Variants in TET1 observed in about 807,000 individuals in gnomAD.
The protein encoded by TET1 is methylcytosine dioxygenase TET1.
In TET1, 13 loss-of-function variants were observed where a neutral mutation model predicts 148.7. The observed-to-expected ratio is 0.09, with a 90% confidence interval of 0.06 to 0.14. The LOEUF (loss-of-function observed/expected upper bound fraction) is 0.14, where lower values mean the gene tolerates loss of function less well. Ranked by LOEUF, TET1 falls within the 10% of genes least tolerant of loss-of-function variation. TET1 has a pLI of 1.00. For synonymous variants in TET1, 907 were observed against 937.2 expected (o/e 0.97, Z 0.59); for missense variants, 2,182 against 2,553.8 (o/e 0.85, Z 3.14).
At chr10:68,647,330 G>C (rs983044259) in intron 4 of TET1, among the ~76,000 whole-genome samples, 2 of 152,178 alleles carry the variant, frequency 1.3e-5, no homozygotes, top group African/African-American at 4.8e-5. Context: ...TAGGCCAGGC[G>C]CAATGGCTCT....
intron 8 of TET1, chr10:68,674,630 A>T: frequency 4.2e-6 from 2 of 472,994 alleles, no homozygotes; most frequent in South Asian, 3.5e-5. Flanking sequence ...CGTGGATCTT[A>T]CCTGTGACAA....
rs1564505196 is a variant in TET1, at chr10:68,674,581, A to G, written c.4824+1536A>G. ...TTTAGAAAATTCAGCTGATTACTGA[A>G]GATGTTCAGGGGAATGATTGCCTGA... On this transcript the variant is annotated intron_variant, in intron 8 of 11. Transcript: ENST00000373644. 7.4e-6 allele frequency: 4 copies of G among 539,448 alleles called. No individual in the cohort carries two copies. In the East Asian group the frequency reaches 1.3e-4, roughly 17 times the overall value. The allele number at this position is 539,448 out of a possible 1,614,324, so 33.4% of individuals were successfully genotyped here. A position where few individuals can be genotyped will look rare whatever the true frequency, so the allele number is the denominator to read the frequency against.
chr10:68,597,019 A>C (rs2053995712), intron 2 of TET1, among the ~76,000 whole-genome samples: 3 of 114,466 alleles, frequency 2.6e-5, no homozygotes, highest in African/African-American at 1.0e-4. Flanking sequence ...TCATGATCAC[A>C]CAGCTAATGG....
At chr10:68,675,564 A>ATT (rs11313882) in intron 8 of TET1, among the ~76,000 whole-genome samples, 2,840 of 131,466 alleles carry the variant, frequency 0.022, 46 homozygotes, top group Non-Finnish European at 0.027. Context: ...TATCCACGTC[A>ATT]TTTTTTTTTT....
At chr10:68,684,596 T>TC (rs2055484419) in intron 10 of TET1, among the ~76,000 whole-genome samples, 1 of 152,084 alleles carries the variant, frequency 6.6e-6, no homozygotes, top group Admixed American at 6.6e-5. Flanking sequence ...AGTTTCAGTT[T>TC]CTCTTCTCTG....
intron 2 of TET1, among the ~76,000 whole-genome samples, chr10:68,575,352 C>G (rs2053715883): frequency 6.6e-6 from 1 of 151,108 alleles, no homozygotes; most frequent in Non-Finnish European, 1.5e-5. Flanking sequence ...CCATTGCATT[C>G]CAGCCTAGGC....
In TET1 at chr10:68,683,524, C is replaced by T. The variant is rs543880621; in HGVS notation, c.5052+551C>T. Among the ~76,000 whole-genome samples, 3 of 152,062 alleles carry T rather than the reference C, an allele frequency of 2.0e-5. No individual in the cohort carries two copies. The East Asian group carries it at 5.8e-4, about 30-fold the overall frequency. Reference sequence around the variant, plus strand: ...TGATCTCATGACCTCGTGATCCACCCACCTTGGCCTCGAAAAGTGCTGGGA... The same window carrying T: ...TGATCTCATGACCTCGTGATCCACCTACCTTGGCCTCGAAAAGTGCTGGGA... On this transcript the variant is annotated intron_variant, in intron 10 of 11. Transcript: ENST00000373644.
chr10:68,560,916 C>A (rs1028173438), intron 1 of TET1, among the ~76,000 whole-genome samples, 174 bp downstream of exon 1: 1 of 152,174 alleles, frequency 6.6e-6, no homozygotes, highest in African/African-American at 2.4e-5. Context: ...CGACCCCCCA[C>A]CCCGGGACGC....
At chr10:68,676,797 T>A (rs2055368504) in intron 8 of TET1, among the ~76,000 whole-genome samples, 1 of 152,218 alleles carries the variant, frequency 6.6e-6, no homozygotes, top group Non-Finnish European at 1.5e-5. Flanking sequence ...ACACAATTCT[T>A]ACTGAAACAT....
rs1564948786 is a variant in TET1 at position 68,573,455 on chromosome 10, C to G, written c.1117C>G (p.Pro373Ala). The part of the protein sequence containing the change: ...SFLGQAFGAI[P>A]HQWELPGADP... ...CCTAGGACAGGCCTTTGGTGCTATC[C>G]CACATCAATGGGAACTTCCTGGTGC... The change falls in exon 2 of 12, where the codon CCA (proline) becomes GCA (alanine). Residue 373 changes from proline to alanine, a missense_variant. Physicochemically the swap from Pro to Ala is conservative, Grantham distance 27 (BLOSUM62 -1). This residue lies in a region of TET1 where 665 missense variants were observed against 672.4 expected (regional missense o/e 0.99). Coordinates refer to ENST00000373644, the MANE Select transcript of TET1 (RefSeq NM_030625.3). 6.2e-7 allele frequency: 1 copy of G among 1,613,998 alleles called. No individual in the cohort carries two copies. The highest frequency in any genetic ancestry group is 8.5e-7 in the Non-Finnish European group (1 of 1,180,034).
At chr10:68,684,377 T>A (rs2055480759) in intron 10 of TET1, among the ~76,000 whole-genome samples, 1 of 146,926 alleles carries the variant, frequency 6.8e-6, no homozygotes, top group South Asian at 2.3e-4. Flanking sequence ...CACAACAACT[T>A]TTTTTTTTTT....
chr10:68,641,553 CA>C (rs2133069677), intron 3 of TET1, among the ~76,000 whole-genome samples: 1 of 146,348 alleles, frequency 6.8e-6, no homozygotes, highest in South Asian at 2.2e-4. Context: ...GGCTGGAGTG[CA>C]GTGGCACGAT....
In TET1 at chr10:68,564,889, G is replaced by A. The variant is rs571270393; in HGVS notation, c.-123+4147G>A. 2.0e-5 allele frequency among the ~76,000 whole-genome samples: 3 copies of A among 152,194 alleles called. No homozygotes were observed. In the South Asian group the frequency reaches 6.2e-4, roughly 32 times the overall value. On this transcript the variant is annotated intron_variant, in intron 1 of 11. Coordinates refer to ENST00000373644, the MANE Select transcript of TET1 (RefSeq NM_030625.3). ...TAAAAAGAACTTAGCCAGGCATGGTGGCCTGTGCTTGTAATTCCCGCTACC... is the reference window on the plus strand; with the variant it reads ...TAAAAAGAACTTAGCCAGGCATGGTAGCCTGTGCTTGTAATTCCCGCTACC...
rs1425019250 is a variant in TET1 at position 68,572,751 on chromosome 10, A to G, written c.413A>G (p.His138Arg). The G allele has an allele frequency of 6.2e-7, 1 of 1,614,204 alleles. No individual in the cohort carries two copies. Among genetic ancestry groups the G allele is most frequent in the South Asian group, 1.1e-5 (1 of 91,078 alleles). ...VPLSKGLEKQ[H>R]DCDYKILPAL... Reference sequence around the variant, plus strand: ...CTTTCTAAGGGTTTAGAAAAGCAACATGATTGTGATTATAAGATACTCCCT... The same window carrying G: ...CTTTCTAAGGGTTTAGAAAAGCAACGTGATTGTGATTATAAGATACTCCCT... The change falls in exon 2 of 12, where the codon CAT becomes CGT. Residue 138 changes from histidine (H) to arginine (R), a missense_variant. His to Arg is a conservative substitution (Grantham distance 29). Coordinates refer to ENST00000373644, the MANE Select transcript of TET1 (RefSeq NM_030625.3).
intron 2 of TET1, among the ~76,000 whole-genome samples, chr10:68,594,205 C>A (rs113173274): frequency 0.032 from 4,807 of 152,262 alleles, 124 homozygotes; most frequent in African/African-American, 0.075. Context: ...GGATTACAGG[C>A]ATGAGGCACC....
At chr10:68,672,847 G>C in intron 7 of TET1, 48 bp from the exon 8 acceptor site, 1 of 1,543,732 alleles carries the variant, frequency 6.5e-7, no homozygotes, top group Non-Finnish European at 8.8e-7. Context: ...TCTCTCTGAG[G>C]TATTGTAATG....
chr10:68,667,308 T>C lies in TET1; in HGVS notation c.4673+52T>C, dbSNP rs761077409. 5.5e-6 allele frequency: 8 copies of C among 1,455,206 alleles called. No homozygotes were observed. The South Asian group carries it at 9.3e-5, about 17-fold the overall frequency. The allele number at this position is 1,455,206 out of a possible 1,614,324, so 90.1% of individuals were successfully genotyped here. On this transcript the variant is annotated intron_variant, in intron 7 of 11. Transcript: ENST00000373644. The stretch of plus-strand genomic sequence containing the variant: ...TACCATTCAGATCTCTATTACATAT[T>C]GGTAAAATTGTTAATTAGCTACCAA...
rs200654229 is a variant in TET1, at chr10:68,647,017, T to G, written c.4276+12T>G. The G allele has an allele frequency of 3.2e-4, 507 of 1,591,884 alleles. 4 individuals are homozygous for G. The South Asian group carries it at 4.4e-3, about 14-fold the overall frequency. ...CTGCAGCTGTCTTGGTGAGTACTTG[T>G]GTGCATGTGTTCTTATTTCACCTGC... is the stretch of plus-strand genomic sequence containing the variant. On this transcript the variant is annotated intron_variant, in intron 4 of 11. Coordinates refer to ENST00000373644, the MANE Select transcript of TET1 (RefSeq NM_030625.3).
intron 3 of TET1, among the ~76,000 whole-genome samples, chr10:68,627,409 G>GA (rs34132432): frequency 0.2 from 25,760 of 127,464 alleles, 2,328 homozygotes; most frequent in South Asian, 0.27. Flanking sequence ...TTCTGTCTCC[G>GA]AAAAAAAAAA....
Sources: gnomAD v4.1 joint callset for allele counts (sites outside exome capture counted in the v4.1 genomes callset) on GRCh38, gnomAD v4.1.1 for gene constraint, gnomAD v4.1.1 regional missense constraint, MANE v1.5 for transcripts, NCBI Gene and HGNC (gene_info 2026-07-23, HGNC 2026-07-21) for gene names.